The following XK variants were observed in gnomAD, a reference collection of about 807,000 sequenced individuals.
XK encodes endoplasmic reticulum membrane adapter protein XK.
In XK, 2 loss-of-function variants were observed where a neutral mutation model predicts 14.0. That is an observed-to-expected ratio of 0.14 (90% CI 0.06 to 0.45). XK has a LOEUF of 0.45. Ranked by LOEUF, XK falls within the 20% of genes least tolerant of loss-of-function variation. XK has a pLI of 0.98. For synonymous variants in XK, 149 were observed against 147.5 expected (o/e 1.01, Z -0.08); for missense variants, 235 against 341.5 (o/e 0.69, Z 2.46).
At chrX:37,698,129 C>G (rs1279767169) in intron 2 of XK, among the ~76,000 whole-genome samples, 1 of 111,981 alleles carries the variant, frequency 8.9e-6, no homozygotes, top group Non-Finnish European at 1.9e-5. Context: ...GCCCCTGCAG[C>G]CTGCCATTTG....
chrX:37,712,098 A>G (rs1462310782), intron 2 of XK, among the ~76,000 whole-genome samples: 2 of 111,465 alleles, frequency 1.8e-5, no homozygotes, highest in African/African-American at 6.5e-5. Flanking sequence ...AGCACTCTTA[A>G]TAACTCAATC....
At chrX:37,716,075 G>A (rs1251439731) in intron 2 of XK, among the ~76,000 whole-genome samples, 1 of 112,128 alleles carries the variant, frequency 8.9e-6, no homozygotes, top group Non-Finnish European at 1.9e-5. Context: ...GGCTGTGCCT[G>A]AGTTTAGGGA....
At chrX:37,687,194 TACACAC>T (rs36002435) in intron 1 of XK, among the ~76,000 whole-genome samples, 246 of 87,047 alleles carry the variant, frequency 2.8e-3, no homozygotes, top group Non-Finnish European at 3.3e-3. Flanking sequence ...CTCTCTCTCT[TACACAC>T]ACACACACAC....
chrX:37,727,284 T>G (rs1556450210), intron 2 of XK, among the ~76,000 whole-genome samples: 1 of 111,143 alleles, frequency 9.0e-6, no homozygotes, highest in Non-Finnish European at 1.9e-5. Flanking sequence ...AAAGAGCAAA[T>G]ACTAGGAAAT....
intron 2 of XK, among the ~76,000 whole-genome samples, chrX:37,716,422 G>A (rs1288582249): frequency 8.9e-6 from 1 of 112,276 alleles, no homozygotes; most frequent in Non-Finnish European, 1.9e-5. Flanking sequence ...AAAGTACACT[G>A]AGGATTATTG....
intron 2 of XK, among the ~76,000 whole-genome samples, chrX:37,711,039 A>G (rs1927654145): frequency 8.9e-6 from 1 of 111,963 alleles, no homozygotes. Flanking sequence ...AAAACCACTC[A>G]GTTGAGGAAG....
intron 2 of XK, among the ~76,000 whole-genome samples, chrX:37,722,900 G>T (rs1489199062): frequency 9.0e-6 from 1 of 111,373 alleles, no homozygotes; most frequent in African/African-American, 3.3e-5. Context: ...TTAAGTTTTT[G>T]GTGGCAAGTC....
chrX:37,717,683 A>C (rs191014268), intron 2 of XK, among the ~76,000 whole-genome samples: 54 of 111,708 alleles, frequency 4.8e-4, no homozygotes, highest in African/African-American at 1.7e-3. Context: ...TGTTCTCACA[A>C]TTCTGAGAAC....
chrX:37,715,280 G>T (rs981292975), intron 2 of XK, among the ~76,000 whole-genome samples: 4 of 110,933 alleles, frequency 3.6e-5, no homozygotes, highest in Admixed American at 2.9e-4. Flanking sequence ...TCCTTGTCAT[G>T]ATTTCAGAGT....
At chrX:37,713,022 C>T (rs1156794013) in intron 2 of XK, among the ~76,000 whole-genome samples, 1 of 111,409 alleles carries the variant, frequency 9.0e-6, no homozygotes, top group Non-Finnish European at 1.9e-5. Flanking sequence ...TGGTGTCTCC[C>T]CTGATGATTG....
chrX:37,704,094 G>A (rs1488428453), intron 2 of XK, among the ~76,000 whole-genome samples: 1 of 112,278 alleles, frequency 8.9e-6, no homozygotes, highest in Non-Finnish European at 1.9e-5. Context: ...GTCATGAGAA[G>A]CCTGTGTTCA....
chrX:37,722,387 A>T (rs1927893991), intron 2 of XK, among the ~76,000 whole-genome samples: 1 of 111,717 alleles, frequency 9.0e-6, no homozygotes, highest in Non-Finnish European at 1.9e-5. Flanking sequence ...GAAGGGAAAG[A>T]TGATAATTGA....
At chrX:37,699,711 T>C (rs1221095108) in intron 2 of XK, among the ~76,000 whole-genome samples, 1 of 112,290 alleles carries the variant, frequency 8.9e-6, no homozygotes, top group Admixed American at 9.4e-5. Context: ...TGCTAGAATG[T>C]TTAAGTCAAG....
Position 37,701,887 on chromosome X carries a change from C to A in XK, c.508+7339C>A, listed in dbSNP as rs782319150. ...GGAAGGAGACAGCGGAAGAGGGACA[C>A]GAGCCAGGCAGTCCCCACTCTGGTG... On this transcript the variant is annotated intron_variant, in intron 2 of 2. Transcript: ENST00000378616. Among the ~76,000 whole-genome samples, 5 of 111,391 alleles carry A rather than the reference C, an allele frequency of 4.5e-5. No homozygotes were observed. In the South Asian group the frequency reaches 1.9e-3, roughly 43 times the overall value.
intron 1 of XK, 61 bp from the exon 2 acceptor site, chrX:37,694,225 A>G: frequency 8.4e-7 from 1 of 1,193,860 alleles, no homozygotes. Flanking sequence ...AAGTAGGATG[A>G]GCATGGAAAG....
intron 2 of XK, 68 bp from the exon 3 acceptor site, chrX:37,727,568 A>G: frequency 1.0e-6 from 1 of 970,894 alleles, no homozygotes; most frequent in Non-Finnish European, 1.4e-6. Flanking sequence ...GGGTGCTGAC[A>G]GAGTGTCTGC....
Position 37,729,928 on chromosome X carries a change from A to C in XK, c.*1466A>C, listed in dbSNP as rs782756152. The C allele has an allele frequency of 8.9e-6, 1 of 111,888 alleles. No individual in the cohort carries two copies. The highest frequency in any genetic ancestry group is 3.8e-4 in the South Asian group (1 of 2,662). The allele number at this position is 111,888 out of a possible 1,213,427, so 9.2% of individuals were successfully genotyped here. On this transcript the variant is annotated 3_prime_UTR_variant, in exon 3 of 3. Transcript: ENST00000378616. The stretch of plus-strand genomic sequence containing the variant: ...AATTTTTAAGTAATTTCATGCACAC[A>C]GGAGAAAATGCAATTTGATAATCAG...
At position 37,730,432 on chromosome X, in the gene XK, A is replaced by G; in HGVS notation, c.*1970A>G. Reference sequence around the variant, plus strand: ...AATACATCATTTTTTGTTTCTTCCTAATTAACAAAAGGGCTCTATAATGAT... The same window carrying G: ...AATACATCATTTTTTGTTTCTTCCTGATTAACAAAAGGGCTCTATAATGAT... On this transcript the variant is annotated 3_prime_UTR_variant, in exon 3 of 3. Transcript: ENST00000378616. 1 of 112,607 alleles carries G rather than the reference A, an allele frequency of 8.9e-6. No individual in the cohort carries two copies. The highest frequency in any genetic ancestry group is 2.8e-4 in the East Asian group (1 of 3,610). The allele number at this position is 112,607 out of a possible 1,213,427, so 9.3% of individuals were successfully genotyped here. A position where few individuals can be genotyped will look rare whatever the true frequency, so the allele number is the denominator to read the frequency against.
In XK at chrX:37,710,797, C is replaced by T. The variant is rs782517185; in HGVS notation, c.508+16249C>T. Among the ~76,000 whole-genome samples, 8 of 112,142 alleles carry T rather than the reference C, an allele frequency of 7.1e-5. No individual in the cohort carries two copies. In the South Asian group the frequency reaches 1.1e-3, roughly 16 times the overall value. On this transcript the variant is annotated intron_variant, in intron 2 of 2. Transcript: ENST00000378616. ...GAACAATGCATTTTGCAGTATGTAT[C>T]GGTGACTTGTCAGATAGCCTATATC...
Sources: allele counts gnomAD v4.1 joint callset (sites outside exome capture counted in the v4.1 genomes callset), GRCh38; gene constraint gnomAD v4.1.1; transcripts MANE v1.5; gene names NCBI Gene and HGNC (gene_info 2026-07-23, HGNC 2026-07-21).